Variants in NLGN1 observed in about 807,000 individuals in gnomAD.
The protein encoded by NLGN1 is neuroligin 1.
In NLGN1, 12 loss-of-function variants were observed where a neutral mutation model predicts 65.5. The ratio of observed to expected loss-of-function variants is 0.18; its 90% CI spans 0.12 to 0.30. NLGN1 has a LOEUF of 0.30. NLGN1 is among the 10% of genes least tolerant of loss of function. The pLI is 1.00. For missense variants in NLGN1, 750 were observed against 1,007.1 expected (o/e 0.74, Z 3.46); for synonymous variants, 350 against 359.5 (o/e 0.97, Z 0.30).
chr3:173,415,826 T>C lies in NLGN1; in HGVS notation c.-390+17339T>C, dbSNP rs145665864. Reference sequence around the variant, plus strand: ...ATTAAGTTATTTAGTCTCTCTATGCTTCAGTTTCCCTATTGATAAAGGGAG... The same window carrying C: ...ATTAAGTTATTTAGTCTCTCTATGCCTCAGTTTCCCTATTGATAAAGGGAG... On this transcript the variant is annotated intron_variant, in intron 1 of 6. Coordinates refer to ENST00000457714, the Ensembl canonical transcript of NLGN1. Among the ~76,000 whole-genome samples the C allele has an allele frequency of 5.9e-3, 888 of 151,534 alleles. 8 individuals are homozygous for C. The highest frequency in any genetic ancestry group is 0.021 in the African/African-American group (853 of 41,170).
In NLGN1 at chr3:173,826,684, T is replaced by C. The variant is rs962890807; in HGVS notation, c.646+18852T>C. Among the ~76,000 whole-genome samples, 3 of 152,062 alleles carry C rather than the reference T, an allele frequency of 2.0e-5. No individual in the cohort carries two copies. The South Asian group carries it at 6.2e-4, about 32-fold the overall frequency. On this transcript the variant is annotated intron_variant, in intron 4 of 6. Coordinates refer to ENST00000457714, the Ensembl canonical transcript of NLGN1. Reference sequence around the variant, plus strand: ...TAGGTAATTTATCATAGGCTAGATATTGGGGATACAAAGAGGAGTGAGATG... The same window carrying C: ...TAGGTAATTTATCATAGGCTAGATACTGGGGATACAAAGAGGAGTGAGATG...
At chr3:174,216,212 T>C (rs1040165436) in intron 4 of NLGN1, among the ~76,000 whole-genome samples, 4 of 152,138 alleles carry the variant, frequency 2.6e-5, no homozygotes, top group African/African-American at 7.2e-5. Flanking sequence ...CACTGACTCT[T>C]TAGCACCACC....
At chr3:173,397,768 G>A (rs1168881711), upstream of NLGN1, 1 of 152,240 alleles carries the variant, frequency 6.6e-6, no homozygotes, top group Non-Finnish European at 1.5e-5. Context: ...CCGAGGATCA[G>A]GCGGCGGCGC....
intron 4 of NLGN1, among the ~76,000 whole-genome samples, chr3:174,249,426 C>G (rs1744383062): frequency 6.6e-6 from 1 of 152,120 alleles, no homozygotes; most frequent in African/African-American, 2.4e-5. Flanking sequence ...CCATATAGTA[C>G]TAAACAGGAG....
chr3:173,765,132 T>C lies in NLGN1; in HGVS notation c.494-42548T>C, dbSNP rs189534912. Among the ~76,000 whole-genome samples, 23 of 151,368 alleles carry C rather than the reference T, an allele frequency of 1.5e-4. 1 individual carries two copies. The East Asian group carries it at 3.7e-3, about 24-fold the overall frequency. On this transcript the variant is annotated intron_variant, in intron 3 of 6. Coordinates refer to ENST00000457714, the Ensembl canonical transcript of NLGN1. ...CACACATACATTTGTATGGAGGAGG[T>C]TTTTTATTCAGAGATATAATTCCTT...
intron 2 of NLGN1, among the ~76,000 whole-genome samples, chr3:173,584,399 ATTTTTTTTTTTTTT>A (rs66827074): frequency 0.023 from 704 of 30,874 alleles, 11 homozygotes; most frequent in Non-Finnish European, 0.029. Flanking sequence ...GGTCCTCGGC[ATTTTTTTTTTTTTT>A]TTTTTTTTTT....
rs577308476 is a variant in NLGN1 at position 173,998,426 on chromosome 3, C to T, written c.646+190594C>T. Among the ~76,000 whole-genome samples the T allele has an allele frequency of 6.0e-4, 92 of 152,246 alleles. 1 individual carries two copies. In the South Asian group the frequency reaches 0.018, roughly 30 times the overall value. On this transcript the variant is annotated intron_variant, in intron 4 of 6. Coordinates refer to ENST00000457714, the Ensembl canonical transcript of NLGN1. The stretch of plus-strand genomic sequence containing the variant: ...AGGTAATTCGTAATGTTCTGACTTC[C>T]CTTCAGCATGTGGCTCAAATAAATT...
intron 4 of NLGN1, among the ~76,000 whole-genome samples, chr3:173,938,250 A>G (rs1242331420): frequency 1.3e-5 from 2 of 152,122 alleles, no homozygotes; most frequent in Non-Finnish European, 2.9e-5. Context: ...CAGTGCCTCA[A>G]AGTTAGGTAT....
chr3:174,155,008 A>G (rs1240291361), intron 4 of NLGN1, among the ~76,000 whole-genome samples: 1 of 138,890 alleles, frequency 7.2e-6, no homozygotes, highest in African/African-American at 2.8e-5. Flanking sequence ...ATATTTATAT[A>G]TTGATATAAA....
At chr3:173,876,762 C>T (rs1732187595) in intron 4 of NLGN1, among the ~76,000 whole-genome samples, 1 of 152,030 alleles carries the variant, frequency 6.6e-6, no homozygotes, top group African/African-American at 2.4e-5. Flanking sequence ...TAAACAAAAA[C>T]ATAAAATAAG....
At chr3:173,745,926 A>G (rs1200703959) in intron 3 of NLGN1, among the ~76,000 whole-genome samples, 4 of 152,130 alleles carry the variant, frequency 2.6e-5, no homozygotes, top group African/African-American at 4.8e-5. Flanking sequence ...CATCATTGCA[A>G]TCACTTATCC....
chr3:173,577,325 C>T (rs931683669), intron 2 of NLGN1, among the ~76,000 whole-genome samples: 3 of 152,150 alleles, frequency 2.0e-5, no homozygotes, highest in Non-Finnish European at 2.9e-5. Flanking sequence ...ACCATCTATC[C>T]TCATAGTCTA....
At chr3:173,909,351 A>T (rs1739106070) in intron 4 of NLGN1, among the ~76,000 whole-genome samples, 1 of 152,158 alleles carries the variant, frequency 6.6e-6, no homozygotes, top group Admixed American at 6.5e-5. Context: ...ACTGCAGATC[A>T]TTCTTTATCA....
chr3:174,097,828 A>C (rs759335785), intron 4 of NLGN1, among the ~76,000 whole-genome samples: 1 of 152,214 alleles, frequency 6.6e-6, no homozygotes, highest in Non-Finnish European at 1.5e-5. Flanking sequence ...GAACAAGGAT[A>C]CTGCTCATTA....
At chr3:174,097,773 A>G (rs1435595497) in intron 4 of NLGN1, among the ~76,000 whole-genome samples, 1 of 152,188 alleles carries the variant, frequency 6.6e-6, no homozygotes, top group African/African-American at 2.4e-5. Context: ...ACAGAGATCA[A>G]ATCCTAAGGG....
At chr3:174,168,731 AG>A in intron 4 of NLGN1, among the ~76,000 whole-genome samples, 1 of 150,064 alleles carries the variant, frequency 6.7e-6, no homozygotes, top group African/African-American at 2.4e-5. Flanking sequence ...TGGTGTGGGC[AG>A]GGAGCCAAAA....
At chr3:173,851,379 T>A (rs908382432) in intron 4 of NLGN1, among the ~76,000 whole-genome samples, 1 of 152,246 alleles carries the variant, frequency 6.6e-6, no homozygotes, top group Non-Finnish European at 1.5e-5. Flanking sequence ...TAGGCATACA[T>A]AACTAGGTCA....
intron 3 of NLGN1, among the ~76,000 whole-genome samples, chr3:173,753,944 A>AATAATATAATATAATATAAT (rs151125850): frequency 0.078 from 9,084 of 116,600 alleles, 360 homozygotes; most frequent in Admixed American, 0.12. Flanking sequence ...ATAATATAAT[A>AATAATATAATATAATATAAT]ATAATATAAT....
At position 173,937,055 on chromosome 3, in the gene NLGN1, A is replaced by G. The variant is rs150489583; in HGVS notation, c.646+129223A>G. ...AATTAACTAAAATGTCAAATTATGG[A>G]ACTAATAACTTTCCTTCTTCCATCC... On this transcript the variant is annotated intron_variant, in intron 4 of 6. Coordinates refer to ENST00000457714, the Ensembl canonical transcript of NLGN1. Among the ~76,000 whole-genome samples, 489 of 152,130 alleles carry G rather than the reference A, an allele frequency of 3.2e-3. 2 individuals are homozygous for G. The highest frequency in any genetic ancestry group is 0.011 in the African/African-American group (460 of 41,548).
Sources: gnomAD v4.1 joint callset for allele counts (sites outside exome capture counted in the v4.1 genomes callset) on GRCh38, gnomAD v4.1.1 for gene constraint, MANE v1.5 for transcripts, NCBI Gene and HGNC (gene_info 2026-07-23, HGNC 2026-07-21) for gene names.